TEAD1: variants seen among roughly 807,000 people sequenced by gnomAD.
TEAD1 encodes the protein transcriptional enhancer factor TEF-1.
In TEAD1, 9 loss-of-function variants were observed where a neutral mutation model predicts 54.9. The ratio of observed to expected loss-of-function variants is 0.16; its 90% CI spans 0.10 to 0.29. TEAD1 has a LOEUF of 0.29. Ranked by LOEUF, TEAD1 falls within the 10% of genes least tolerant of loss-of-function variation. The pLI, the probability that TEAD1 is intolerant of heterozygous loss-of-function variation, is 1.00. For synonymous variants in TEAD1, 200 were observed against 187.8 expected (o/e 1.07, Z -0.53); for missense variants, 387 against 535.9 (o/e 0.72, Z 2.74).
rs974431373 is a variant in TEAD1 at position 12,865,729 on chromosome 11, T to A, written c.330+829T>A. ...CTGCTTTTTCCCTTTATAAAATTTA[T>A]AATAAAACATACCTGACTTTTATTT... On this transcript the variant is annotated intron_variant, in intron 5 of 12. Transcript: ENST00000527636. 2.0e-5 allele frequency among the ~76,000 whole-genome samples: 3 copies of A among 152,344 alleles called. No homozygotes were observed. The East Asian group carries it at 5.8e-4, about 29-fold the overall frequency.
intron 9 of TEAD1, among the ~76,000 whole-genome samples, chr11:12,885,497 G>A (rs1317591778): frequency 2.6e-5 from 4 of 151,994 alleles, no homozygotes; most frequent in Middle Eastern, 3.4e-3. Context: ...TAGGCCTCCC[G>A]AAGTGCTGGG....
chr11:12,868,021 A>G lies in TEAD1; in HGVS notation c.330+3121A>G, dbSNP rs556436723. 6.6e-5 allele frequency among the ~76,000 whole-genome samples: 10 copies of G among 152,302 alleles called. No individual in the cohort carries two copies. The East Asian group carries it at 1.7e-3, about 26-fold the overall frequency. ...AAACTCAGACGTCGAAGGGGTAGAC[A>G]AAGGTCTATGGTCCTCATGTGAAGA... On this transcript the variant is annotated intron_variant, in intron 5 of 12. Transcript: ENST00000527636.
chr11:12,789,237 C>T (rs941854976), intron 3 of TEAD1, among the ~76,000 whole-genome samples: 2 of 152,270 alleles, frequency 1.3e-5, no homozygotes, highest in East Asian at 1.9e-4. Context: ...AAACCTACCC[C>T]GAGGACTGGT....
chr11:12,685,959 T>C (rs1250725785), intron 2 of TEAD1, among the ~76,000 whole-genome samples: 1 of 152,220 alleles, frequency 6.6e-6, no homozygotes, highest in African/African-American at 2.4e-5. Context: ...AATTTTAACC[T>C]GGTCTTCCTT....
chr11:12,880,642 T>C (rs986481994), intron 6 of TEAD1, among the ~76,000 whole-genome samples: 1 of 152,202 alleles, frequency 6.6e-6, no homozygotes, highest in Admixed American at 6.5e-5. Flanking sequence ...CGCAGAATAT[T>C]ATGCAGGGAA....
intron 8 of TEAD1, 81 bp downstream of exon 8, chr11:12,882,038 A>C: frequency 6.0e-6 from 9 of 1,489,172 alleles, no homozygotes; most frequent in Non-Finnish European, 8.4e-6. Flanking sequence ...TCCCAGAGTC[A>C]AGAGATGCTC....
Position 12,744,375 on chromosome 11 carries a change from A to T in TEAD1, c.-54-19804A>T, listed in dbSNP as rs117941943. ...TTGGGCAAAATCTAAATGTCCAAGC[A>T]TGAGAAAAGAGCTAAATAATAGCAT... On this transcript the variant is annotated intron_variant, in intron 2 of 12. Transcript: ENST00000527636. 7.6e-3 allele frequency among the ~76,000 whole-genome samples: 1,152 copies of T among 152,326 alleles called. 14 individuals are homozygous for T. Among genetic ancestry groups the T allele is most frequent in the Non-Finnish European group, 8.5e-3 (577 of 68,024 alleles).
intron 2 of TEAD1, among the ~76,000 whole-genome samples, chr11:12,742,745 C>T (rs757999222): frequency 6.6e-6 from 1 of 152,130 alleles, no homozygotes; most frequent in Non-Finnish European, 1.5e-5. Flanking sequence ...AAAGGAAAGT[C>T]TTGACTCCTA....
chr11:12,787,544 A>T (rs1205677018), intron 3 of TEAD1, among the ~76,000 whole-genome samples: 1 of 152,156 alleles, frequency 6.6e-6, no homozygotes, highest in Non-Finnish European at 1.5e-5. Context: ...TTTTCGTTGC[A>T]CAGATTAAAT....
At chr11:12,840,626 G>A (rs1320269614) in intron 3 of TEAD1, among the ~76,000 whole-genome samples, 1 of 152,148 alleles carries the variant, frequency 6.6e-6, no homozygotes, top group African/African-American at 2.4e-5. Flanking sequence ...TGGAAGTGCC[G>A]TCTATGTTAA....
chr11:12,701,203 G>A (rs1943694214), intron 2 of TEAD1, among the ~76,000 whole-genome samples: 1 of 152,096 alleles, frequency 6.6e-6, no homozygotes, highest in Non-Finnish European at 1.5e-5. Context: ...AGAACACTGG[G>A]AACTGTTTAC....
chr11:12,709,166 T>A (rs572504590), intron 2 of TEAD1, among the ~76,000 whole-genome samples: 56 of 152,192 alleles, frequency 3.7e-4, no homozygotes, highest in African/African-American at 1.3e-3. Flanking sequence ...GGTGAAACCC[T>A]GTCTCTACTA....
At chr11:12,894,551 C>A (rs1454790502) in intron 9 of TEAD1, among the ~76,000 whole-genome samples, 1 of 152,162 alleles carries the variant, frequency 6.6e-6, no homozygotes, top group Non-Finnish European at 1.5e-5. Flanking sequence ...ACAGACTTTG[C>A]ATGCCTTAGA....
chr11:12,818,349 T>C (rs1012351580), intron 3 of TEAD1, among the ~76,000 whole-genome samples: 2 of 152,324 alleles, frequency 1.3e-5, no homozygotes, highest in African/African-American at 4.8e-5. Context: ...TTACTATTTT[T>C]ATAAAGAGTT....
chr11:12,915,713 G>T (rs906910248), intron 10 of TEAD1, among the ~76,000 whole-genome samples: 1 of 152,196 alleles, frequency 6.6e-6, no homozygotes, highest in East Asian at 1.9e-4. Flanking sequence ...GTGTGGTGGC[G>T]CACATCTGTA....
At chr11:12,930,407 G>T (rs116650299) in intron 12 of TEAD1, 81 bp downstream of exon 12, 14 of 1,559,730 alleles carry the variant, frequency 9.0e-6, no homozygotes, top group Non-Finnish European at 1.1e-5. Flanking sequence ...CCTGGGAGGC[G>T]CTGGGCCTGC....
At chr11:12,847,035 T>G (rs1947168342) in intron 3 of TEAD1, among the ~76,000 whole-genome samples, 1 of 152,176 alleles carries the variant, frequency 6.6e-6, no homozygotes, top group African/African-American at 2.4e-5. Flanking sequence ...AGGAGCCCTG[T>G]TGCATTCTTC....
intron 3 of TEAD1, among the ~76,000 whole-genome samples, chr11:12,840,246 C>CAAAAAAAAAAAAAAAAAAAAAAAA (rs1176865272): frequency 5.1e-4 from 16 of 31,544 alleles, no homozygotes; most frequent in East Asian, 9.1e-4. Context: ...GACTCTGCCT[C>CAAAAAAAAAAAAAAAAAAAAAAAA]AAAAAAAAAA....
chr11:12,753,378 G>A (rs1322311198), intron 2 of TEAD1, among the ~76,000 whole-genome samples: 1 of 152,074 alleles, frequency 6.6e-6, no homozygotes, highest in Non-Finnish European at 1.5e-5. Flanking sequence ...ACCAATTTGC[G>A]CTCTCATCAG....
Sources: allele counts gnomAD v4.1 joint callset (sites outside exome capture counted in the v4.1 genomes callset), GRCh38; gene constraint gnomAD v4.1.1; transcripts MANE v1.5; gene names NCBI Gene and HGNC (gene_info 2026-07-23, HGNC 2026-07-21).